The following ESYT3 variants were observed in gnomAD, a reference collection of about 807,000 sequenced individuals.
ESYT3 encodes the protein extended synaptotagmin 3.
In ESYT3, 101 loss-of-function variants were observed where a neutral mutation model predicts 111.5. The observed-to-expected ratio is 0.91, with a 90% CI of 0.77 to 1.07. ESYT3 has a LOEUF of 1.07. Among genes scored for constraint, ESYT3 ranks in the 50% least tolerant of loss-of-function variants. The pLI is 0.00. For missense variants in ESYT3, 1,097 were observed against 1,109.4 expected (o/e 0.99, Z 0.16); for synonymous variants, 416 against 446.8 (o/e 0.93, Z 0.87).
At chr3:138,480,467 A>T (rs1374101363), downstream of ESYT3, 1 of 152,246 alleles carries the variant, frequency 6.6e-6, no homozygotes, top group African/African-American at 2.4e-5. Context: ...TGATATGATC[A>T]TGAGCATGAA....
chr3:138,455,468 CCA>C, intron 3 of ESYT3, 140 bp downstream of exon 3: 2 of 668,118 alleles, frequency 3.0e-6, no homozygotes, highest in Admixed American at 8.7e-5. Flanking sequence ...CACCCTCCCG[CCA>C]CCACCTGCAT....
intron 18 of ESYT3, 115 bp downstream of exon 18, chr3:138,472,974 T>C: frequency 3.3e-6 from 5 of 1,516,122 alleles, no homozygotes; most frequent in Non-Finnish European, 2.6e-6. Flanking sequence ...TCACAAAATA[T>C]CTTCCTAAGA....
intron 14 of ESYT3, chr3:138,469,172 AG>A (rs1443162567): frequency 2.5e-5 from 15 of 592,902 alleles, no homozygotes; most frequent in Non-Finnish European, 4.2e-5. Context: ...TCATAGCCCC[AG>A]GGAACGAGAG....
chr3:138,451,146 C>G (rs1164723260), intron 1 of ESYT3, among the ~76,000 whole-genome samples: 1 of 152,234 alleles, frequency 6.6e-6, no homozygotes, highest in East Asian at 1.9e-4. Flanking sequence ...GGTCAGCCAA[C>G]AGGACTGTCC....
In ESYT3 at chr3:138,474,387, C is replaced by T. The variant is rs572531739; in HGVS notation, c.2468+35C>T. The stretch of plus-strand genomic sequence containing the variant: ...CTGGTGGCCTGCCTAGAGTGCCTCA[C>T]CCATTCAAGTATTTTCCAAGTACCT... On this transcript the variant is annotated intron_variant, in intron 20 of 22. Transcript: ENST00000389567. 13 of 1,547,142 alleles carry T rather than the reference C, an allele frequency of 8.4e-6. No homozygotes were observed. The African/African-American group carries it at 1.4e-4, about 17-fold the overall frequency.
intron 14 of ESYT3, 182 bp from the exon 15 acceptor site, chr3:138,469,253 TG>T: frequency 1.6e-6 from 1 of 616,440 alleles, no homozygotes; most frequent in Non-Finnish European, 2.9e-6. Context: ...GGGTTGGTCC[TG>T]TCCTGGGGCT....
At chr3:138,475,026 T>A (rs1329375194) in intron 20 of ESYT3, among the ~76,000 whole-genome samples, 3 of 152,228 alleles carry the variant, frequency 2.0e-5, no homozygotes, top group Admixed American at 6.5e-5. Flanking sequence ...ATAACTTTTT[T>A]AAAAAGGGTT....
intron 20 of ESYT3, among the ~76,000 whole-genome samples, chr3:138,475,138 C>T (rs1560248776): frequency 6.6e-6 from 1 of 152,162 alleles, no homozygotes. Flanking sequence ...GGAAGAGAGA[C>T]TATTCATTCA....
At position 138,479,633 on chromosome 3, in the gene ESYT3, T is replaced by G. The variant is rs1290216513; in HGVS notation, c.*2779T>G. 7.2e-6 allele frequency: 1 copy of G among 138,196 alleles called. No individual in the cohort carries two copies. Among genetic ancestry groups the G allele is most frequent in the African/African-American group, 2.7e-5 (1 of 37,046 alleles). 8.6% of individuals were successfully genotyped at this position (138,196 alleles called of 1,614,324 possible). A position where few individuals can be genotyped will look rare whatever the true frequency, so the allele number is the denominator to read the frequency against. On this transcript the variant is annotated 3_prime_UTR_variant, in exon 23 of 23. Coordinates refer to ENST00000389567, the MANE Select transcript of ESYT3 (RefSeq NM_031913.5). ...GGCATACAGAGCTGTTCTCAATCAA[T>G]CACCTAAGTACCCCCACAGTTTACC...
At position 138,479,623 on chromosome 3, in the gene ESYT3, T is replaced by C. The variant is rs1434432411; in HGVS notation, c.*2769T>C. On this transcript the variant is annotated 3_prime_UTR_variant, in exon 23 of 23. Transcript: ENST00000389567. ...CTAGCTAATTGGCATACAGAGCTGT[T>C]CTCAATCAATCACCTAAGTACCCCC... The C allele has an allele frequency of 1.1e-5, 1 of 94,536 alleles. No individual in the cohort carries two copies. Among genetic ancestry groups the C allele is most frequent in the Non-Finnish European group, 2.1e-5 (1 of 47,410 alleles). 5.9% of individuals were successfully genotyped at this position (94,536 alleles called of 1,614,324 possible).
At chr3:138,467,363 A>G (rs1305928922) in intron 10 of ESYT3, among the ~76,000 whole-genome samples, 198 bp from the exon 11 acceptor site, 2 of 152,092 alleles carry the variant, frequency 1.3e-5, no homozygotes, top group African/African-American at 2.4e-5. Context: ...TAGCACACCC[A>G]GTGGGAGCAG....
In ESYT3 at chr3:138,434,790, G is replaced by T; in HGVS notation, c.-9G>T. On this transcript the variant is annotated 5_prime_UTR_variant, in exon 1 of 23. Coordinates refer to ENST00000389567, the MANE Select transcript of ESYT3 (RefSeq NM_031913.5). ...AAGCTCTCGGGAAGGGCAAGACTGC[G>T]GCGACGAGATGCGAGCAGAGGAGCC... 6.5e-7 allele frequency: 1 copy of T among 1,539,612 alleles called. No individual in the cohort carries two copies. The highest frequency in any genetic ancestry group is 2.4e-5 in the East Asian group (1 of 41,780).
chr3:138,465,227 C>T, intron 9 of ESYT3, 112 bp from the exon 10 acceptor site: 1 of 702,214 alleles, frequency 1.4e-6, no homozygotes. Context: ...GTTCTTGAGG[C>T]ACTGAGGGGG....
rs2032362721 is a variant in ESYT3 at position 138,457,568 on chromosome 3, T to C, written c.505T>C (p.Cys169Arg). 3 of 1,614,124 alleles carry C rather than the reference T, an allele frequency of 1.9e-6. No homozygotes were observed. Among genetic ancestry groups the C allele is most frequent in the Non-Finnish European group, 1.7e-6 (2 of 1,180,014 alleles). ...CTAGCCCTTTTGGCATTTCTTCCAGTGTCCCAGGGTCAACGGTGTCAAGGC... is the reference window on the plus strand; with the variant it reads ...CTAGCCCTTTTGGCATTTCTTCCAGCGTCCCAGGGTCAACGGTGTCAAGGC... ...TFTKLYFGQK[C>R]PRVNGVKAHT... Residue 169 changes from cysteine to arginine, a missense_variant and splice_region_variant, in exon 4 of 23, where the codon TGT becomes CGT. By Grantham distance (180) the Cys-to-Arg change is radical. Transcript: ENST00000389567.
At chr3:138,471,944 T>C (rs545143723) in intron 17 of ESYT3, among the ~76,000 whole-genome samples, 32 of 152,366 alleles carry the variant, frequency 2.1e-4, no homozygotes, top group African/African-American at 7.5e-4. Context: ...CAGTCTTTGC[T>C]GGTAGGCCGA....
chr3:138,466,789 G>C (rs773792140), intron 10 of ESYT3, among the ~76,000 whole-genome samples: 7 of 152,126 alleles, frequency 4.6e-5, no homozygotes, highest in Non-Finnish European at 8.8e-5. Context: ...GGTTCTGCAG[G>C]CTGTACATGA....
intron 7 of ESYT3, 23 bp downstream of exon 7, chr3:138,460,689 A>C: frequency 6.2e-7 from 1 of 1,613,674 alleles, no homozygotes; most frequent in South Asian, 1.1e-5. Context: ...GAGAGCCTCG[A>C]GGGAGATCAT....
chr3:138,451,341 G>A (rs1291599424), intron 1 of ESYT3, among the ~76,000 whole-genome samples: 1 of 152,128 alleles, frequency 6.6e-6, no homozygotes, highest in African/African-American at 2.4e-5. Flanking sequence ...AGGTGGGAGG[G>A]GCGCCCCACA....
At chr3:138,480,711 C>T (rs907721053), downstream of ESYT3, 10 of 152,128 alleles carry the variant, frequency 6.6e-5, no homozygotes, top group Non-Finnish European at 1.2e-4. Context: ...CAACAAATGC[C>T]ATTTCTCTCC....
Sources: allele counts gnomAD v4.1 joint callset (sites outside exome capture counted in the v4.1 genomes callset), GRCh38; gene constraint gnomAD v4.1.1; transcripts MANE v1.5; gene names NCBI Gene and HGNC (gene_info 2026-07-23, HGNC 2026-07-21).